ARID2: variants seen among roughly 807,000 people sequenced by gnomAD.
The protein encoded by ARID2 is AT-rich interaction domain 2, also known as AT-rich interactive domain-containing protein 2.
A neutral mutation model predicts 184.6 loss-of-function variants in ARID2; 32 were observed. The observed-to-expected ratio is 0.17, with a 90% CI of 0.13 to 0.23. ARID2 has a LOEUF of 0.23. Among genes scored for constraint, ARID2 ranks in the 10% least tolerant of loss-of-function variants. The probability of loss-of-function intolerance (pLI) is 1.00; values close to 1 mark genes in which losing one functional copy is unlikely to be tolerated. For missense variants in ARID2, 1,696 were observed against 2,197.6 expected (o/e 0.77, Z 4.56); for synonymous variants, 836 against 772.6 (o/e 1.08, Z -1.36).
intron 3 of ARID2, among the ~76,000 whole-genome samples, chr12:45,793,440 C>G (rs1339681590): frequency 1.3e-5 from 2 of 151,522 alleles, no homozygotes; most frequent in Non-Finnish European, 2.9e-5. Flanking sequence ...CACCCTTGAC[C>G]TATCACTGTC....
chr12:45,894,424 C>T (rs1198253431), intron 20 of ARID2, among the ~76,000 whole-genome samples: 1 of 152,084 alleles, frequency 6.6e-6, no homozygotes, highest in Non-Finnish European at 1.5e-5. Flanking sequence ...AATATTAGTT[C>T]CATCTCCTTA....
At chr12:45,880,169 C>G (rs1944076672) in intron 16 of ARID2, among the ~76,000 whole-genome samples, 1 of 152,150 alleles carries the variant, frequency 6.6e-6, no homozygotes, top group Middle Eastern at 3.2e-3. Context: ...TCATATATTT[C>G]TCGTTAAAAA....
chr12:45,889,599 T>G (rs926552057), intron 16 of ARID2, among the ~76,000 whole-genome samples: 5 of 152,194 alleles, frequency 3.3e-5, no homozygotes, highest in Non-Finnish European at 7.3e-5. Flanking sequence ...TGCTTTACAT[T>G]TCTTTAGAGT....
At chr12:45,859,409 G>C (rs1943704985) in intron 15 of ARID2, among the ~76,000 whole-genome samples, 1 of 152,140 alleles carries the variant, frequency 6.6e-6, no homozygotes, top group South Asian at 2.1e-4. Context: ...ACAGAACAAT[G>C]AAATGTTCTG....
chr12:45,772,793 A>G (rs1592067107), intron 3 of ARID2, among the ~76,000 whole-genome samples: 1 of 152,226 alleles, frequency 6.6e-6, no homozygotes, highest in Non-Finnish European at 1.5e-5. Flanking sequence ...AGGCAATTTA[A>G]AAATAATGGT....
At chr12:45,817,931 G>T in intron 5 of ARID2, 43 bp downstream of exon 5, 32 of 1,331,462 alleles carry the variant, frequency 2.4e-5, no homozygotes, top group Middle Eastern at 2.0e-4. Flanking sequence ...TTCTGTAAAA[G>T]TTTTTTTTTT....
intron 3 of ARID2, chr12:45,789,217 T>G (rs1942248435): frequency 1.3e-5 from 2 of 152,352 alleles, no homozygotes; most frequent in South Asian, 4.2e-4. Context: ...CATCTCTTCC[T>G]TCTTAGTCAG....
At chr12:45,769,646 G>T (rs1264991938) in intron 3 of ARID2, among the ~76,000 whole-genome samples, 1 of 152,172 alleles carries the variant, frequency 6.6e-6, no homozygotes, top group Non-Finnish European at 1.5e-5. Context: ...TTCTTTCATT[G>T]CCAAATTTAT....
In ARID2 at chr12:45,828,846, A is replaced by T. The variant is rs532026495; in HGVS notation, c.705+7359A>T. ...TATATTTTGGATAAAATTTCTTTTT[A>T]AGATGTTGGAAATATTTTCTCTCTA... On this transcript the variant is annotated intron_variant, in intron 6 of 20. Coordinates refer to ENST00000334344, the MANE Select transcript of ARID2 (RefSeq NM_152641.4). 4.0e-5 allele frequency among the ~76,000 whole-genome samples: 6 copies of T among 151,816 alleles called. No individual in the cohort carries two copies. In the East Asian group the frequency reaches 1.2e-3, roughly 29 times the overall value.
intron 15 of ARID2, among the ~76,000 whole-genome samples, chr12:45,858,472 G>A (rs1943690099): frequency 6.6e-6 from 1 of 152,168 alleles, no homozygotes; most frequent in East Asian, 1.9e-4. Context: ...GAATTTGCAG[G>A]TGAATGGTTT....
At position 45,905,553 on chromosome 12, in the gene ARID2, C is replaced by T. The variant is rs1361339605; in HGVS notation, c.*475C>T. ...AAAAGTTTCAGCACACCTATACCCC[C>T]GATCTCAGAGGGGGCCACCAATATC... On this transcript the variant is annotated 3_prime_UTR_variant, in exon 21 of 21. Coordinates refer to ENST00000334344, the MANE Select transcript of ARID2 (RefSeq NM_152641.4). 6 of 233,200 alleles carry T rather than the reference C, an allele frequency of 2.6e-5. No homozygotes were observed. The highest frequency in any genetic ancestry group is 1.2e-4 in the East Asian group (2 of 16,492). The allele number at this position is 233,200 out of a possible 1,614,324, so 14.4% of individuals were successfully genotyped here. A position where few individuals can be genotyped will look rare whatever the true frequency, so the allele number is the denominator to read the frequency against.
chr12:45,744,944 C>A (rs139019621), intron 3 of ARID2, among the ~76,000 whole-genome samples: 1 of 152,240 alleles, frequency 6.6e-6, no homozygotes, highest in East Asian at 1.9e-4. Flanking sequence ...CCTTCTTTGG[C>A]CCCCTCTTTA....
intron 3 of ARID2, among the ~76,000 whole-genome samples, chr12:45,737,252 G>A (rs895295745): frequency 5.3e-5 from 8 of 152,054 alleles, no homozygotes; most frequent in African/African-American, 1.2e-4. Context: ...CTAAGTCAGC[G>A]TTTACAGGGC....
At chr12:45,802,680 T>C (rs752033374) in intron 3 of ARID2, among the ~76,000 whole-genome samples, 3 of 152,086 alleles carry the variant, frequency 2.0e-5, no homozygotes, top group African/African-American at 4.8e-5. Flanking sequence ...GCATCACTTA[T>C]AAATAAGCTT....
At chr12:45,903,806 T>C (rs545956596) in intron 20 of ARID2, among the ~76,000 whole-genome samples, 3 of 152,230 alleles carry the variant, frequency 2.0e-5, no homozygotes, top group East Asian at 3.8e-4. Flanking sequence ...TTCGGAGTTA[T>C]TTTAATGAAG....
chr12:45,888,496 A>G (rs1477352325), intron 16 of ARID2, among the ~76,000 whole-genome samples: 3 of 152,202 alleles, frequency 2.0e-5, no homozygotes, highest in Admixed American at 1.3e-4. Context: ...AAAGCTTGGC[A>G]ATTTTGGAAT....
At chr12:45,879,434 C>T (rs1286386270) in intron 16 of ARID2, among the ~76,000 whole-genome samples, 1 of 152,152 alleles carries the variant, frequency 6.6e-6, no homozygotes, top group East Asian at 1.9e-4. Flanking sequence ...GAAGGTAATT[C>T]ACACAAAAGT....
chr12:45,745,784 A>G (rs541752244), intron 3 of ARID2, among the ~76,000 whole-genome samples: 1 of 152,216 alleles, frequency 6.6e-6, no homozygotes, highest in South Asian at 2.1e-4. Flanking sequence ...CCTGGCCTCA[A>G]GTGATCTGCC....
At chr12:45,795,088 A>T (rs957198519) in intron 3 of ARID2, among the ~76,000 whole-genome samples, 5 of 151,824 alleles carry the variant, frequency 3.3e-5, no homozygotes, top group Non-Finnish European at 7.4e-5. Flanking sequence ...AAGAGTTCTT[A>T]GATTATTCAA....
Sources: allele counts gnomAD v4.1 joint callset (sites outside exome capture counted in the v4.1 genomes callset), GRCh38; gene constraint gnomAD v4.1.1; transcripts MANE v1.5; gene names NCBI Gene and HGNC (gene_info 2026-07-23, HGNC 2026-07-21).